LMBR1: variants seen among roughly 807,000 people sequenced by gnomAD.
LMBR1 encodes limb region 1 protein homolog.
In LMBR1, 52 loss-of-function variants were observed where a neutral mutation model predicts 73.9. The observed-to-expected ratio is 0.70, with a 90% CI of 0.56 to 0.89. The LOEUF is 0.89. LMBR1 is among the 40% of genes least tolerant of loss of function. LMBR1 has a pLI of 0.00. For synonymous variants in LMBR1, 215 were observed against 209.4 expected, an observed-to-expected ratio of 1.03 and a Z score of -0.23; for missense variants, 539 against 579.8, an observed-to-expected ratio of 0.93 and a Z score of 0.72.
At chr7:156,762,062 C>A in intron 8 of LMBR1, 72 bp downstream of exon 8, 1 of 832,052 alleles carries the variant, frequency 1.2e-6, no homozygotes, top group South Asian at 1.5e-5. Flanking sequence ...AATGCTAGCT[C>A]ACAATATCAA....
chr7:156,819,197 A>T (rs191981624), intron 4 of LMBR1, among the ~76,000 whole-genome samples: 2 of 152,368 alleles, frequency 1.3e-5, no homozygotes, highest in Admixed American at 1.3e-4. Context: ...TTGCCCAGAA[A>T]AGTAAAGTAG....
intron 9 of LMBR1, among the ~76,000 whole-genome samples, chr7:156,750,851 T>C (rs60218971): frequency 0.077 from 11,796 of 152,214 alleles, 521 homozygotes; most frequent in East Asian, 0.15. Context: ...GGCTCACACC[T>C]GTAATTTTAA....
At chr7:156,700,930 C>T (rs1486172874) in intron 15 of LMBR1, among the ~76,000 whole-genome samples, 1 of 152,166 alleles carries the variant, frequency 6.6e-6, no homozygotes, top group African/African-American at 2.4e-5. Context: ...GGAGGCCTCA[C>T]AATCATAGTG....
chr7:156,850,098 T>C (rs1447542381), intron 1 of LMBR1, among the ~76,000 whole-genome samples: 1 of 152,168 alleles, frequency 6.6e-6, no homozygotes, highest in Non-Finnish European at 1.5e-5. Flanking sequence ...AATGCAACAG[T>C]GTTGAGGTGG....
At chr7:156,877,363 C>T (rs544779108) in intron 1 of LMBR1, among the ~76,000 whole-genome samples, 1 of 152,134 alleles carries the variant, frequency 6.6e-6, no homozygotes, top group Admixed American at 6.5e-5. Flanking sequence ...CACTATTCCA[C>T]AAGATAAAGA....
intron 1 of LMBR1, among the ~76,000 whole-genome samples, chr7:156,867,961 T>C (rs145731101): frequency 6.6e-6 from 1 of 152,092 alleles, no homozygotes; most frequent in African/African-American, 2.4e-5. Context: ...AAGAAAATAG[T>C]TGAGGCTGGG....
chr7:156,692,076 C>T (rs984606339), intron 15 of LMBR1, among the ~76,000 whole-genome samples: 17 of 152,020 alleles, frequency 1.1e-4, no homozygotes, highest in Admixed American at 9.8e-4. Flanking sequence ...GAAGCAAACG[C>T]TTTACCTTTT....
intron 15 of LMBR1, among the ~76,000 whole-genome samples, chr7:156,701,261 C>A (rs1809613965): frequency 6.6e-6 from 1 of 151,794 alleles, no homozygotes; most frequent in East Asian, 1.9e-4. Flanking sequence ...GTTCAAGCTG[C>A]ATTATTTGCA....
rs1554456487 is a variant in LMBR1 at position 156,680,376 on chromosome 7, C to CAAAG, written c.*3701_*3702insCTTT. On this transcript the variant is annotated 3_prime_UTR_variant, in exon 17 of 17. Transcript: ENST00000353442. ...TTTTTGCTTATACGTATCTGAGAGA[C>CAAAG]AGAGAGAGAGAGAGAGAGAGAGAGA... 7.8e-4 allele frequency: 110 copies of CAAAG among 141,264 alleles called. No individual in the cohort carries two copies. Among genetic ancestry groups the CAAAG allele is most frequent in the African/African-American group, 3.0e-3 (107 of 35,432 alleles). 8.8% of individuals were successfully genotyped at this position (141,264 alleles called of 1,614,324 possible).
chr7:156,775,472 T>C (rs1290526486), intron 5 of LMBR1, among the ~76,000 whole-genome samples: 1 of 152,222 alleles, frequency 6.6e-6, no homozygotes, highest in Non-Finnish European at 1.5e-5. Context: ...CCTCCACCTC[T>C]AATTGTAAAA....
At chr7:156,791,735 G>A (rs1200774335) in intron 5 of LMBR1, among the ~76,000 whole-genome samples, 32 of 152,180 alleles carry the variant, frequency 2.1e-4, no homozygotes, top group Admixed American at 2.1e-3. Context: ...TGAAGTTATA[G>A]GAGTTAACCT....
chr7:156,672,305 G>A (rs2131676385), intron 4 of LMBR1, among the ~76,000 whole-genome samples: 1 of 152,232 alleles, frequency 6.6e-6, no homozygotes, highest in East Asian at 1.9e-4. Flanking sequence ...GACGACAGGT[G>A]CAAAACCCTT....
At chr7:156,675,862 A>T, downstream of LMBR1, 1 of 1,611,538 alleles carries the variant, frequency 6.2e-7, no homozygotes, top group Non-Finnish European at 8.5e-7. Flanking sequence ...ATCCAAGTGC[A>T]GGTAGGTTTG....
Position 156,754,955 on chromosome 7 carries a change from A to C in LMBR1, c.757+1438T>G, listed in dbSNP as rs150108046. Among the ~76,000 whole-genome samples, 236 of 152,334 alleles carry C rather than the reference A, an allele frequency of 1.5e-3. 1 individual carries two copies. The highest frequency in any genetic ancestry group is 5.4e-3 in the African/African-American group (224 of 41,582). On this transcript the variant is annotated intron_variant, in intron 9 of 16. Transcript: ENST00000353442. ...TGGCTAACCAGCAGCAAACAGCAAA[A>C]TCATAATTATCCTAACACATCACTT...
chr7:156,802,940 C>T (rs920745092), intron 4 of LMBR1, among the ~76,000 whole-genome samples: 4 of 152,042 alleles, frequency 2.6e-5, no homozygotes, highest in East Asian at 1.9e-4. Flanking sequence ...GGAGAACTGG[C>T]TAGTCATATG....
chr7:156,748,243 C>A (rs1047078339), intron 9 of LMBR1, among the ~76,000 whole-genome samples: 2 of 152,096 alleles, frequency 1.3e-5, no homozygotes, highest in East Asian at 1.9e-4. Flanking sequence ...CTAATGACTG[C>A]AAGATAGAAA....
At chr7:156,734,085 T>C (rs1039316132) in intron 10 of LMBR1, 92 bp downstream of exon 10, 21 of 707,018 alleles carry the variant, frequency 3.0e-5, no homozygotes, top group Non-Finnish European at 4.3e-5. Context: ...AACATAAAGA[T>C]TTCATAAATT....
intron 1 of LMBR1, among the ~76,000 whole-genome samples, chr7:156,839,577 T>C (rs1405415422): frequency 3.3e-5 from 5 of 152,120 alleles, no homozygotes; most frequent in Admixed American, 3.3e-4. Flanking sequence ...GAATATCCCT[T>C]GTGTGTATTT....
At chr7:156,687,106 G>T (rs938347225) in intron 16 of LMBR1, among the ~76,000 whole-genome samples, 1 of 152,134 alleles carries the variant, frequency 6.6e-6, no homozygotes, top group Non-Finnish European at 1.5e-5. Context: ...GGAAAGGCCT[G>T]GTGATCTGAG....
Sources: allele counts gnomAD v4.1 joint callset (sites outside exome capture counted in the v4.1 genomes callset), GRCh38; gene constraint gnomAD v4.1.1; transcripts MANE v1.5; gene names NCBI Gene and HGNC (gene_info 2026-07-23, HGNC 2026-07-21).